CACNA1H: variants seen among roughly 807,000 people sequenced by gnomAD.
CACNA1H encodes voltage-dependent T-type calcium channel subunit alpha-1H.
Under a neutral mutation model 192.5 loss-of-function variants are expected in CACNA1H, and 149 were observed. That is an observed-to-expected ratio of 0.77 (90% CI 0.68 to 0.89). The LOEUF is 0.89. Among genes scored for constraint, CACNA1H ranks in the 40% least tolerant of loss-of-function variants. The pLI, the probability that CACNA1H is intolerant of heterozygous loss-of-function variation, is 0.00. For missense variants in CACNA1H, 4,257 were observed against 3,423.5 expected (o/e 1.24, Z -6.08); for synonymous variants, 2,202 against 1,475.2 (o/e 1.49, Z -11.29).
chr16:1,206,308 C>CCGGCCCG lies in CACNA1H; in HGVS notation c.2789+21_2789+27dup. 1 of 1,546,224 alleles carries CCGGCCCG rather than the reference C, an allele frequency of 6.5e-7. No individual in the cohort carries two copies. The highest frequency in any genetic ancestry group is 1.4e-5 in the African/African-American group (1 of 73,064). On this transcript the variant is annotated intron_variant, in intron 12 of 34. Coordinates refer to ENST00000348261, the MANE Select transcript of CACNA1H (RefSeq NM_021098.3). ...TCTTCAGGTGGGCGCAACCCCCCTC[C>CCGGCCCG]CGGCCCGCCCAGTGTCTCACCCCAG...
chr16:1,167,521 T>C lies in CACNA1H; in HGVS notation c.299+13485T>C, dbSNP rs7199863. Among the ~76,000 whole-genome samples, 234 of 152,176 alleles carry C rather than the reference T, an allele frequency of 1.5e-3. 1 individual carries two copies. Among genetic ancestry groups the C allele is most frequent in the African/African-American group, 5.4e-3 (224 of 41,514 alleles). On this transcript the variant is annotated intron_variant, in intron 2 of 34. Transcript: ENST00000348261. The surrounding 1 kb of genome is among the most constrained non-coding windows in gnomAD (Gnocchi z 4.2). ...CATGGGAACCTGTTGCTAATGAATC[T>C]CTGGGGTTTCCTGTTACCTTTGCCA...
chr16:1,203,598 C>T (rs1968269649), intron 9 of CACNA1H, among the ~76,000 whole-genome samples: 1 of 152,182 alleles, frequency 6.6e-6, no homozygotes, highest in Non-Finnish European at 1.5e-5. Context: ...TCACTCAGCT[C>T]TGGAGGCCAG....
intron 2 of CACNA1H, among the ~76,000 whole-genome samples, chr16:1,156,161 C>T (rs1008894422): frequency 1.5e-4 from 23 of 152,302 alleles, no homozygotes; most frequent in East Asian, 1.4e-3. Context: ...CCCTCCTCGC[C>T]GCCAGCACCT....
In CACNA1H at chr16:1,220,116, C is replaced by A; in HGVS notation, c.6184C>A (p.Pro2062Thr). ...GGSLQSPPRS[P>T]RPASVRTRKH... is the part of the protein sequence containing the mutation. ...CTCCCTGCAGTCCCCACCACGCTCC[C>A]CACGGCCCGCCAGCGTCCGCACTCG... The change falls in exon 35 of 35, where the codon CCA becomes ACA. Residue 2062 changes from proline (P) to threonine (T), a missense_variant. Transcript: ENST00000348261. 6.7e-7 allele frequency: 1 copy of A among 1,490,042 alleles called. No homozygotes were observed. Among genetic ancestry groups the A allele is most frequent in the Non-Finnish European group, 8.9e-7 (1 of 1,121,830 alleles). 92.3% of individuals were successfully genotyped at this position (1,490,042 alleles called of 1,614,324 possible).
At chr16:1,203,955 C>T in intron 9 of CACNA1H, 55 bp from the exon 10 acceptor site, 2 of 1,348,190 alleles carry the variant, frequency 1.5e-6, no homozygotes, top group East Asian at 2.5e-5. Flanking sequence ...GGTTCCCGGG[C>T]CCTTGTGGCA....
chr16:1,166,243 A>C (rs775224621), intron 2 of CACNA1H, among the ~76,000 whole-genome samples: 3 of 152,112 alleles, frequency 2.0e-5, no homozygotes, highest in African/African-American at 4.8e-5. Flanking sequence ...TTGCGTCCGG[A>C]GTGGGGTCTT....
rs1380698326 is a variant in CACNA1H at position 1,167,804 on chromosome 16, T to G, written c.299+13768T>G. On this transcript the variant is annotated intron_variant, in intron 2 of 34. Coordinates refer to ENST00000348261, the MANE Select transcript of CACNA1H (RefSeq NM_021098.3). This position sits in a 1 kb window ranked among gnomAD's most constrained non-coding sequence, Gnocchi z 4.2. ...GGGACACCTGGAGCTGTGGCGCTGG[T>G]GTGTGCTTAGAAAGTGCACCTGCGA... is the stretch of plus-strand genomic sequence containing the variant. Among the ~76,000 whole-genome samples the G allele has an allele frequency of 6.6e-6, 1 of 152,154 alleles. No homozygotes were observed. Among genetic ancestry groups the G allele is most frequent in the Non-Finnish European group, 1.5e-5 (1 of 68,026 alleles).
chr16:1,212,150 C>CCGGTGG lies in CACNA1H; in HGVS notation c.4759+28_4759+33dup, dbSNP rs563400847. ...GAGGAGGCGCAGGAGTAAGGCGCTC[C>CCGGTGG]CGGTGGCGGTGGCGGTGGCGGGTCG... On this transcript the variant is annotated intron_variant, in intron 25 of 34. Transcript: ENST00000348261. The CCGGTGG allele has an allele frequency of 5.9e-5, 94 of 1,598,342 alleles. No individual in the cohort carries two copies. Among genetic ancestry groups the CCGGTGG allele is most frequent in the East Asian group, 3.8e-4 (17 of 44,788 alleles).
At chr16:1,182,592 C>T (rs113794162) in intron 2 of CACNA1H, among the ~76,000 whole-genome samples, 5 of 152,176 alleles carry the variant, frequency 3.3e-5, no homozygotes, top group South Asian at 2.1e-4. Context: ...CGGCTGGCTC[C>T]GGCCACGTTC....
intron 34 of CACNA1H, 114 bp from the exon 35 acceptor site, chr16:1,219,867 G>T (rs545075292): frequency 6.6e-6 from 5 of 756,482 alleles, no homozygotes; most frequent in African/African-American, 5.4e-5. Context: ...CCACCCAGGG[G>T]ACCTGCCCAG....
chr16:1,161,778 C>T (rs1355284948), intron 2 of CACNA1H, among the ~76,000 whole-genome samples: 1 of 152,164 alleles, frequency 6.6e-6, no homozygotes, highest in South Asian at 2.1e-4. Flanking sequence ...GGGGACAGAC[C>T]GCTGGCCAGG....
chr16:1,205,787 C>T (rs1330258736), intron 11 of CACNA1H, among the ~76,000 whole-genome samples: 1 of 152,208 alleles, frequency 6.6e-6, no homozygotes, highest in African/African-American at 2.4e-5. Flanking sequence ...GCAGAACGGA[C>T]AAGCCAGGTC....
chr16:1,156,434 G>T (rs1324416995), intron 2 of CACNA1H, among the ~76,000 whole-genome samples: 4 of 152,240 alleles, frequency 2.6e-5, no homozygotes, highest in Admixed American at 1.3e-4. Context: ...CTGGACAGGT[G>T]GGGGGATTGG....
At chr16:1,199,520 C>T (rs989538352) in intron 6 of CACNA1H, among the ~76,000 whole-genome samples, 3 of 149,152 alleles carry the variant, frequency 2.0e-5, no homozygotes, top group African/African-American at 7.5e-5. Context: ...ACCCCCAGTG[C>T]TGCCACCTCT....
chr16:1,215,607 G>A lies in CACNA1H; in HGVS notation c.5244+14G>A, dbSNP rs370552821. On this transcript the variant is annotated intron_variant, in intron 30 of 34. Transcript: ENST00000348261. ...GCTCTCCCCCAGGTAGGTGGAGCCC[G>A]CGCCATCCTCAGCGCAGGCCCCCGG... 8.3e-5 allele frequency: 133 copies of A among 1,606,236 alleles called. No individual in the cohort carries two copies. Among genetic ancestry groups the A allele is most frequent in the African/African-American group, 5.5e-4 (41 of 74,938 alleles).
intron 5 of CACNA1H, among the ~76,000 whole-genome samples, chr16:1,197,214 C>G (rs1264835795): frequency 6.6e-6 from 1 of 152,242 alleles, no homozygotes; most frequent in Non-Finnish European, 1.5e-5. Context: ...CTAGCTGAGC[C>G]TGAACCTCAG....
chr16:1,217,086 C>T, intron 31 of CACNA1H, 76 bp downstream of exon 31: 2 of 1,270,560 alleles, frequency 1.6e-6, no homozygotes, highest in Non-Finnish European at 2.2e-6. Context: ...CACTCACACG[C>T]AGGCACATGC....
At chr16:1,163,046 C>T (rs890196392) in intron 2 of CACNA1H, among the ~76,000 whole-genome samples, 31 of 152,358 alleles carry the variant, frequency 2.0e-4, no homozygotes, top group South Asian at 8.3e-4. Context: ...GCTCGTCTGA[C>T]TCTGTGTTTG....
intron 2 of CACNA1H, among the ~76,000 whole-genome samples, chr16:1,159,391 A>C (rs576792836): frequency 6.8e-6 from 1 of 147,522 alleles, no homozygotes; most frequent in Admixed American, 6.7e-5. Context: ...GGGACAGTGC[A>C]GGCCTTGAGG....
Sources: gnomAD v4.1 joint callset for allele counts (sites outside exome capture counted in the v4.1 genomes callset) on GRCh38, gnomAD v4.1.1 for gene constraint, Gnocchi (gnomAD v3.1) non-coding constraint, MANE v1.5 for transcripts, NCBI Gene and HGNC (gene_info 2026-07-23, HGNC 2026-07-21) for gene names.